NT5C3A: variants seen among roughly 807,000 people sequenced by gnomAD.
NT5C3A encodes the protein 5'-nucleotidase, cytosolic IIIA.
NT5C3A carries 23 observed loss-of-function variants against 40.0 expected under a neutral mutation model. The observed-to-expected ratio is 0.58, with a 90% confidence interval of 0.41 to 0.81. The LOEUF (loss-of-function observed/expected upper bound fraction) is 0.81, where lower values mean the gene tolerates loss of function less well. Ranked by LOEUF, NT5C3A falls within the 40% of genes least tolerant of loss-of-function variation. The probability of loss-of-function intolerance (pLI) is 0.00; values close to 1 mark genes in which losing one functional copy is unlikely to be tolerated. For missense variants in NT5C3A, 328 were observed against 403.0 expected (o/e 0.81, Z 1.59); for synonymous variants, 130 against 141.4 (o/e 0.92, Z 0.57).
chr7:33,041,693 G>T (rs1362086192), intron 1 of NT5C3A, among the ~76,000 whole-genome samples: 4 of 151,932 alleles, frequency 2.6e-5, no homozygotes, highest in Admixed American at 6.6e-5. Context: ...GGGGGAAAAA[G>T]TTCCTGCCTG....
intron 1 of NT5C3A, among the ~76,000 whole-genome samples, chr7:33,059,162 G>T (rs1787687774): frequency 6.6e-6 from 1 of 152,158 alleles, no homozygotes; most frequent in South Asian, 2.1e-4. Context: ...GCCATTGAGA[G>T]GCTAGACATT....
chr7:33,025,934 C>A (rs1785902530), intron 2 of NT5C3A, among the ~76,000 whole-genome samples: 1 of 152,154 alleles, frequency 6.6e-6, no homozygotes, highest in African/African-American at 2.4e-5. Context: ...GCCTGTAATC[C>A]CAGCACTTTG....
intron 3 of NT5C3A, among the ~76,000 whole-genome samples, chr7:33,022,628 A>G (rs1439547090): frequency 2.0e-5 from 3 of 152,190 alleles, no homozygotes; most frequent in African/African-American, 7.2e-5. Context: ...TATCAATTAG[A>G]TAAGAGATCA....
In NT5C3A at chr7:33,017,621, A is replaced by C; in HGVS notation, c.531-20T>G. On this transcript the variant is annotated intron_variant, in intron 6 of 8. Coordinates refer to ENST00000610140, the MANE Select transcript of NT5C3A (RefSeq NM_001002010.5). ...CCTTCTCTGTAAGATGGAGATAACA[A>C]ACTGGTTATTAAAGAGCAAGATATA... 1 of 1,597,606 alleles carries C rather than the reference A, an allele frequency of 6.3e-7. No homozygotes were observed. The highest frequency in any genetic ancestry group is 8.6e-7 in the Non-Finnish European group (1 of 1,164,930).
At chr7:33,015,305 G>A (rs1028382583) in intron 8 of NT5C3A, among the ~76,000 whole-genome samples, 3 of 152,096 alleles carry the variant, frequency 2.0e-5, no homozygotes, top group Admixed American at 6.6e-5. Context: ...AGTGGCTCAC[G>A]CCTGTTATCC....
At chr7:33,057,001 TG>T (rs1327955970) in intron 1 of NT5C3A, among the ~76,000 whole-genome samples, 4 of 152,054 alleles carry the variant, frequency 2.6e-5, no homozygotes, top group African/African-American at 9.7e-5. Context: ...GTAGTAGAGA[TG>T]GGGTTTCTCC....
At chr7:33,060,736 C>T (rs1428814670) in intron 1 of NT5C3A, among the ~76,000 whole-genome samples, 1 of 152,102 alleles carries the variant, frequency 6.6e-6, no homozygotes, top group South Asian at 2.1e-4. Flanking sequence ...GGGAGGAGGG[C>T]AGAGGATGGG....
chr7:33,025,712 A>G (rs1460679884), intron 2 of NT5C3A, among the ~76,000 whole-genome samples: 1 of 152,016 alleles, frequency 6.6e-6, no homozygotes, highest in Non-Finnish European at 1.5e-5. Context: ...AAAACTTAAG[A>G]GTATTTCAGG....
chr7:33,023,258 T>C (rs1247109631), intron 3 of NT5C3A, among the ~76,000 whole-genome samples: 2 of 151,820 alleles, frequency 1.3e-5, no homozygotes, highest in Non-Finnish European at 2.9e-5. Flanking sequence ...ATTTTTCTTT[T>C]CCTTTTTTAC....
At chr7:33,052,929 T>C (rs1787429502) in intron 1 of NT5C3A, among the ~76,000 whole-genome samples, 2 of 152,184 alleles carry the variant, frequency 1.3e-5, no homozygotes, top group African/African-American at 2.4e-5. Context: ...GGACCACTCT[T>C]TGAGTACCAT....
At chr7:33,016,346 C>A (rs2127992697) in intron 7 of NT5C3A, among the ~76,000 whole-genome samples, 1 of 144,136 alleles carries the variant, frequency 6.9e-6, no homozygotes, top group Middle Eastern at 4.2e-3. Context: ...TGCACTCCAG[C>A]CTGGGTGACA....
At chr7:33,039,483 G>A (rs1430639900) in intron 1 of NT5C3A, among the ~76,000 whole-genome samples, 2 of 148,146 alleles carry the variant, frequency 1.4e-5, no homozygotes, top group African/African-American at 2.5e-5. Context: ...CACAGTATCC[G>A]CAACAGTACC....
At chr7:33,016,391 G>C (rs1180131125) in intron 7 of NT5C3A, among the ~76,000 whole-genome samples, 1 of 151,190 alleles carries the variant, frequency 6.6e-6, no homozygotes, top group Non-Finnish European at 1.5e-5. Flanking sequence ...AAAAAAGAAG[G>C]CCGGGCACAG....
intron 1 of NT5C3A, among the ~76,000 whole-genome samples, chr7:33,028,327 T>TAC (rs1786061590): frequency 6.6e-6 from 1 of 152,210 alleles, no homozygotes; most frequent in African/African-American, 2.4e-5. Context: ...TGCTCAACAA[T>TAC]TTAATCTTAA....
chr7:33,055,005 G>A (rs1011706514), intron 1 of NT5C3A, among the ~76,000 whole-genome samples: 1 of 152,202 alleles, frequency 6.6e-6, no homozygotes, highest in African/African-American at 2.4e-5. Context: ...AAGTGTGAAT[G>A]AATATATCTT....
chr7:33,024,156 C>T, intron 2 of NT5C3A, 48 bp from the exon 3 acceptor site: 1 of 1,084,798 alleles, frequency 9.2e-7, no homozygotes. Context: ...GCCCACATGG[C>T]CAGAATTTCT....
chr7:33,036,073 G>T, intron 1 of NT5C3A: 1 of 1,022,198 alleles, frequency 9.8e-7, no homozygotes. Context: ...TTCCTGTTAT[G>T]CCAATAATAT....
chr7:33,026,444 T>C (rs1785939561), intron 2 of NT5C3A, among the ~76,000 whole-genome samples: 1 of 150,030 alleles, frequency 6.7e-6, no homozygotes, highest in Non-Finnish European at 1.5e-5. Context: ...AAACTCCGCC[T>C]CCCGGGGTTA....
intron 1 of NT5C3A, among the ~76,000 whole-genome samples, chr7:33,055,226 G>A (rs1787524292): frequency 6.6e-6 from 1 of 152,014 alleles, no homozygotes; most frequent in African/African-American, 2.4e-5. Context: ...TCGGGAGACT[G>A]AGGCATGAGA....
Sources: allele counts gnomAD v4.1 joint callset (sites outside exome capture counted in the v4.1 genomes callset), GRCh38; gene constraint gnomAD v4.1.1; transcripts MANE v1.5; gene names NCBI Gene and HGNC (gene_info 2026-07-23, HGNC 2026-07-21).